Variants in DGKI observed in about 807,000 individuals in gnomAD.
DGKI encodes DAG kinase iota.
In DGKI, 55 loss-of-function variants were observed where a neutral mutation model predicts 147.5. That is an observed-to-expected ratio of 0.37 (90% confidence interval 0.30 to 0.47). DGKI has a LOEUF of 0.47. DGKI is among the 20% of genes least tolerant of loss of function. The probability of loss-of-function intolerance (pLI) is 1.00; values close to 1 mark genes in which losing one functional copy is unlikely to be tolerated. For synonymous variants in DGKI, 469 were observed against 477.1 expected (o/e 0.98, Z 0.22); for missense variants, 1,007 against 1,323.8 (o/e 0.76, Z 3.71).
chr7:137,450,898 A>G (rs1813927267), intron 27 of DGKI, among the ~76,000 whole-genome samples: 1 of 152,032 alleles, frequency 6.6e-6, no homozygotes, highest in Non-Finnish European at 1.5e-5. Flanking sequence ...GAGAATATCC[A>G]TATTGTCTCT....
intron 4 of DGKI, 34 bp from the exon 5 acceptor site, chr7:137,654,822 A>C: frequency 7.1e-7 from 1 of 1,407,390 alleles, no homozygotes; most frequent in Non-Finnish European, 1.0e-6. Context: ...ATTATATTAG[A>C]GATAAGCATC....
intron 12 of DGKI, among the ~76,000 whole-genome samples, chr7:137,596,443 T>C (rs1429100313): frequency 6.6e-6 from 1 of 152,184 alleles, no homozygotes; most frequent in Non-Finnish European, 1.5e-5. Context: ...TTCATTTGGA[T>C]GTAATTCTTA....
chr7:137,719,928 T>C (rs984846351), intron 1 of DGKI, among the ~76,000 whole-genome samples: 1 of 152,162 alleles, frequency 6.6e-6, no homozygotes, highest in South Asian at 2.1e-4. Flanking sequence ...GCTGCACAGA[T>C]AAGTGAGGGC....
rs139859429 is a variant in DGKI at position 137,419,919 on chromosome 7, T to A, written c.2762-7712A>T. On this transcript the variant is annotated intron_variant, in intron 28 of 32. Transcript: ENST00000614521. Reference sequence around the variant, plus strand: ...ATGCAACTCTGTATCAACTATCTATTATTGCATGGTAAAGTATATGACTTA... The same window carrying A: ...ATGCAACTCTGTATCAACTATCTATAATTGCATGGTAAAGTATATGACTTA... Among the ~76,000 whole-genome samples the A allele has an allele frequency of 5.4e-4, 82 of 152,356 alleles. No homozygotes were observed. In the East Asian group the frequency reaches 0.01, roughly 19 times the overall value.
chr7:137,397,378 T>C lies in DGKI; in HGVS notation c.2956A>G (p.Thr986Ala). ...TATGTAATAAAAGGCAACACTCACG[T>C]TTCACTGTCTGCCATATCCAATAAC... ...SELLDMADSE[T>A]GETALHKAAC... Residue 986 changes from threonine to alanine, a missense_variant and splice_region_variant, in exon 31 of 33, where the codon ACG becomes GCG. By Grantham distance (58) the Thr-to-Ala change is moderately conservative (BLOSUM62 0). Coordinates refer to ENST00000614521, the MANE Select transcript of DGKI (RefSeq NM_001321708.2). 6.2e-7 allele frequency: 1 copy of C among 1,613,246 alleles called. No individual in the cohort carries two copies. Among genetic ancestry groups the C allele is most frequent in the South Asian group, 1.1e-5 (1 of 90,878 alleles).
chr7:137,845,949 A>G (rs1798702239), intron 1 of DGKI, among the ~76,000 whole-genome samples: 1 of 152,124 alleles, frequency 6.6e-6, no homozygotes, highest in Admixed American at 6.6e-5. Flanking sequence ...TCTTCAGTGT[A>G]GTGCTATTCT....
At chr7:137,789,106 G>C (rs1796767718) in intron 1 of DGKI, among the ~76,000 whole-genome samples, 2 of 152,104 alleles carry the variant, frequency 1.3e-5, no homozygotes, top group Non-Finnish European at 2.9e-5. Flanking sequence ...AAAGTTTGGG[G>C]AATAACTGAA....
chr7:137,618,130 T>C (rs1337575784), intron 8 of DGKI, among the ~76,000 whole-genome samples: 3 of 11,946 alleles, frequency 2.5e-4, no homozygotes, highest in Non-Finnish European at 3.3e-4. Flanking sequence ...TAAAATACTA[T>C]ATATATATAT....
intron 20 of DGKI, among the ~76,000 whole-genome samples, chr7:137,532,434 C>G (rs1294509472): frequency 6.6e-6 from 1 of 152,128 alleles, no homozygotes; most frequent in Non-Finnish European, 1.5e-5. Context: ...ATCTGAGTAT[C>G]AGAGAAAAAA....
chr7:137,504,388 C>A (rs1288707495), intron 21 of DGKI, among the ~76,000 whole-genome samples: 1 of 152,102 alleles, frequency 6.6e-6, no homozygotes, highest in Non-Finnish European at 1.5e-5. Flanking sequence ...ACGTGTGATA[C>A]CTTAGAGAAA....
At position 137,487,796 on chromosome 7, in the gene DGKI, T is replaced by C. The variant is rs1005104037; in HGVS notation, c.2249-107A>G. On this transcript the variant is annotated intron_variant, in intron 21 of 32. Transcript: ENST00000614521. ...AAAACAATCTCATAAATATTATGGG[T>C]TTTTTAGATATGTCCGTAAAAAGAA... 95 of 969,056 alleles carry C rather than the reference T, an allele frequency of 9.8e-5. No homozygotes were observed. The South Asian group carries it at 1.4e-3, about 14-fold the overall frequency. 60.0% of individuals were successfully genotyped at this position (969,056 alleles called of 1,614,324 possible).
rs1401203018 is a variant in DGKI, at chr7:137,843,384, GTA to G, written c.401+3076_401+3077del. 3 of 983,246 alleles carry G rather than the reference GTA, an allele frequency of 3.1e-6. No individual in the cohort carries two copies. The African/African-American group carries it at 5.3e-5, about 17-fold the overall frequency. 60.9% of individuals were successfully genotyped at this position (983,246 alleles called of 1,614,324 possible). A position where few individuals can be genotyped will look rare whatever the true frequency, so the allele number is the denominator to read the frequency against. ...ACGAAGTAGTAATTTTAAAAGAAAA[GTA>G]CCAGCTCACTCGCACTGCCTTTTCA... On this transcript the variant is annotated intron_variant, in intron 1 of 32. Coordinates refer to ENST00000614521, the MANE Select transcript of DGKI (RefSeq NM_001321708.2).
intron 6 of DGKI, among the ~76,000 whole-genome samples, chr7:137,636,554 T>C (rs1176542149): frequency 2.0e-5 from 3 of 152,114 alleles, no homozygotes; most frequent in African/African-American, 4.8e-5. Context: ...TCTCATTCCC[T>C]CAGTTGAGAA....
chr7:137,599,585 G>T (rs1819915557), intron 11 of DGKI, among the ~76,000 whole-genome samples: 1 of 152,200 alleles, frequency 6.6e-6, no homozygotes, highest in Non-Finnish European at 1.5e-5. Flanking sequence ...ACATACGTAA[G>T]TAACAAACAC....
At chr7:137,632,729 C>G (rs58245080) in intron 6 of DGKI, among the ~76,000 whole-genome samples, 2 of 151,944 alleles carry the variant, frequency 1.3e-5, no homozygotes, top group African/African-American at 2.4e-5. Flanking sequence ...CGTGGTGGCA[C>G]ACGCCTGTAG....
intron 28 of DGKI, among the ~76,000 whole-genome samples, chr7:137,440,656 A>C (rs1179533381): frequency 6.6e-6 from 1 of 152,344 alleles, no homozygotes; most frequent in Non-Finnish European, 1.5e-5. Flanking sequence ...CAGCTGTGAA[A>C]CTGGGGGTGA....
chr7:137,441,731 A>G (rs1301882306), intron 28 of DGKI, among the ~76,000 whole-genome samples: 1 of 152,182 alleles, frequency 6.6e-6, no homozygotes, highest in East Asian at 1.9e-4. Context: ...AAGCAAACAA[A>G]ATAGAAAATC....
intron 1 of DGKI, among the ~76,000 whole-genome samples, chr7:137,805,475 C>T (rs531561813): frequency 6.6e-6 from 1 of 152,204 alleles, no homozygotes; most frequent in Non-Finnish European, 1.5e-5. Context: ...GCTTCCCAGA[C>T]AAGGATCCAA....
intron 1 of DGKI, among the ~76,000 whole-genome samples, chr7:137,762,064 C>A (rs968954017): frequency 1.3e-5 from 2 of 152,208 alleles, no homozygotes; most frequent in Non-Finnish European, 2.9e-5. Context: ...TTAATTATTT[C>A]TCATTATTTC....
Sources: gnomAD v4.1 joint callset for allele counts (sites outside exome capture counted in the v4.1 genomes callset) on GRCh38, gnomAD v4.1.1 for gene constraint, MANE v1.5 for transcripts, NCBI Gene and HGNC (gene_info 2026-07-23, HGNC 2026-07-21) for gene names.